The following OPCML variants were observed in gnomAD, a reference collection of about 807,000 sequenced individuals.
OPCML encodes the protein opioid-binding protein/cell adhesion molecule.
OPCML carries 13 observed loss-of-function variants against 37.8 expected under a neutral mutation model. The observed-to-expected ratio is 0.34, with a 90% confidence interval of 0.22 to 0.55. The LOEUF is 0.55. Among genes scored for constraint, OPCML ranks in the 20% least tolerant of loss-of-function variants. The pLI is 0.91. For missense variants in OPCML, 341 were observed against 435.6 expected, an observed-to-expected ratio of 0.78 and a Z score of 1.93; for synonymous variants, 176 against 168.8, an observed-to-expected ratio of 1.04 and a Z score of -0.33.
At chr11:133,286,699 A>G (rs926262011) in intron 1 of OPCML, among the ~76,000 whole-genome samples, 4 of 152,168 alleles carry the variant, frequency 2.6e-5, no homozygotes, top group African/African-American at 9.7e-5. Context: ...TACCTGCACT[A>G]ACCTCAAGAA....
At chr11:132,459,515 A>G (rs543168518) in intron 4 of OPCML, among the ~76,000 whole-genome samples, 62 of 148,352 alleles carry the variant, frequency 4.2e-4, no homozygotes, top group Non-Finnish European at 7.3e-4. Flanking sequence ...GAGAATATAT[A>G]TATATATATA....
chr11:133,531,608 TACA>T (rs1368007689), intron 1 of OPCML, among the ~76,000 whole-genome samples: 2 of 151,778 alleles, frequency 1.3e-5, no homozygotes, highest in Non-Finnish European at 2.9e-5. Context: ...GGGCCTGTGT[TACA>T]ACAAGAAATG....
intron 3 of OPCML, among the ~76,000 whole-genome samples, chr11:132,562,833 C>A (rs2096413555): frequency 6.6e-6 from 1 of 152,068 alleles, no homozygotes. Context: ...AACAAATTGG[C>A]TAACATTAAA....
At chr11:133,028,616 C>T (rs935749563) in intron 1 of OPCML, among the ~76,000 whole-genome samples, 4 of 151,550 alleles carry the variant, frequency 2.6e-5, no homozygotes, top group Admixed American at 2.6e-4. Flanking sequence ...CTACTCAGTT[C>T]CCCCATAGTT....
intron 1 of OPCML, among the ~76,000 whole-genome samples, chr11:133,168,836 T>C (rs938212172): frequency 1.3e-5 from 2 of 152,180 alleles, no homozygotes; most frequent in Admixed American, 1.3e-4. Flanking sequence ...AGAAAGTAAC[T>C]ATTATTATTT....
chr11:132,859,019 G>T (rs906036085), intron 2 of OPCML, among the ~76,000 whole-genome samples: 1 of 152,050 alleles, frequency 6.6e-6, no homozygotes, highest in Non-Finnish European at 1.5e-5. Flanking sequence ...AAATATGCTC[G>T]TTTGTTTTCT....
intron 2 of OPCML, among the ~76,000 whole-genome samples, chr11:132,727,822 C>T (rs1423787678): frequency 2.0e-5 from 3 of 152,166 alleles, no homozygotes; most frequent in Non-Finnish European, 4.4e-5. Flanking sequence ...AAAAATTTCA[C>T]CCTTAAAAAG....
chr11:133,361,364 G>A (rs1944412217), intron 1 of OPCML: 1 of 152,512 alleles, frequency 6.6e-6, no homozygotes, highest in Non-Finnish European at 1.5e-5. Context: ...GCAGGAAGAA[G>A]AGGAAGGCTG....
intron 1 of OPCML, among the ~76,000 whole-genome samples, chr11:133,027,477 GTGTGTGTGTGTGT>G (rs1322917530): frequency 2.1e-5 from 3 of 145,652 alleles, no homozygotes; most frequent in African/African-American, 5.2e-5. Context: ...TGTAGTGTGT[GTGTGTGTGTGTGT>G]TGTGTGTGTG....
chr11:133,311,798 T>C (rs61912382), intron 1 of OPCML, among the ~76,000 whole-genome samples: 28,154 of 152,034 alleles, frequency 0.19, 2,842 homozygotes, highest in South Asian at 0.32. Context: ...AGAGAAATTA[T>C]TAAAGTAGAC....
chr11:133,445,344 G>A (rs902981619), intron 1 of OPCML, among the ~76,000 whole-genome samples: 2 of 152,196 alleles, frequency 1.3e-5, no homozygotes, highest in African/African-American at 2.4e-5. Flanking sequence ...CTGTTGACAT[G>A]AGCTTATGCC....
chr11:133,378,118 G>T (rs1944856117), intron 1 of OPCML, among the ~76,000 whole-genome samples: 1 of 152,198 alleles, frequency 6.6e-6, no homozygotes, highest in South Asian at 2.1e-4. Flanking sequence ...AAGAAGCTAT[G>T]TCTCCCCAAA....
At chr11:133,423,598 A>T (rs1592284022) in intron 1 of OPCML, among the ~76,000 whole-genome samples, 1 of 152,210 alleles carries the variant, frequency 6.6e-6, no homozygotes, top group African/African-American at 2.4e-5. Flanking sequence ...GCAATGATGA[A>T]CCCAAGAGGA....
At chr11:132,598,118 T>C (rs1260163852) in intron 3 of OPCML, among the ~76,000 whole-genome samples, 1 of 152,140 alleles carries the variant, frequency 6.6e-6, no homozygotes, top group African/African-American at 2.4e-5. Flanking sequence ...GTATCAGGCA[T>C]TGTGGGAGGG....
At chr11:133,526,111 G>A (rs73029126) in intron 1 of OPCML, among the ~76,000 whole-genome samples, 4 of 152,332 alleles carry the variant, frequency 2.6e-5, no homozygotes, top group Non-Finnish European at 5.9e-5. Flanking sequence ...CGTGATGGGA[G>A]ACAAGCAAAA....
intron 2 of OPCML, among the ~76,000 whole-genome samples, chr11:132,865,837 T>C (rs1204373967): frequency 1.3e-5 from 2 of 152,172 alleles, no homozygotes; most frequent in African/African-American, 2.4e-5. Context: ...TAGAAGGAAA[T>C]GGCAGGTCAT....
chr11:133,270,612 T>C (rs1034092100), intron 1 of OPCML, among the ~76,000 whole-genome samples: 5 of 152,220 alleles, frequency 3.3e-5, no homozygotes, highest in African/African-American at 1.2e-4. Context: ...CAATTCAACA[T>C]GGAGGTACAC....
At chr11:133,491,703 T>C (rs1947665440) in intron 1 of OPCML, among the ~76,000 whole-genome samples, 1 of 152,146 alleles carries the variant, frequency 6.6e-6, no homozygotes, top group Admixed American at 6.5e-5. Flanking sequence ...GTTGATCCCT[T>C]TCTATAGACC....
At chr11:133,266,196 C>T (rs11223417) in intron 1 of OPCML, among the ~76,000 whole-genome samples, 34 of 152,052 alleles carry the variant, frequency 2.2e-4, no homozygotes, top group Admixed American at 6.5e-4. Context: ...ACTTAGGGAA[C>T]GAACTGAGGT....
Sources: gnomAD v4.1 joint callset for allele counts (sites outside exome capture counted in the v4.1 genomes callset) on GRCh38, gnomAD v4.1.1 for gene constraint, MANE v1.5 for transcripts, NCBI Gene and HGNC (gene_info 2026-07-23, HGNC 2026-07-21) for gene names.